The following ZNF134 variants were observed in gnomAD, a reference collection of about 807,000 sequenced individuals.
ZNF134 encodes zinc finger protein 134, also known as zinc finger protein 134 (clone pHZ-15).
ZNF134 carries 5 observed loss-of-function variants against 2.5 expected under a neutral mutation model. The ratio of observed to expected loss-of-function variants is 2.03; its 90% CI spans 1.06 to 4.27. ZNF134 has a LOEUF of 4.27. Among genes scored for constraint, ZNF134 ranks in the 30% most tolerant of loss-of-function variants. ZNF134 has a pLI of 0.00. For synonymous variants in ZNF134, 176 were observed against 176.2 expected (o/e 1.00, Z 0.01); for missense variants, 540 against 517.5 (o/e 1.04, Z -0.42).
Position 57,620,728 on chromosome 19 carries a change from T to C in ZNF134, c.609T>C (p.Pro203=). 6.2e-7 allele frequency: 1 copy of C among 1,611,224 alleles called. No individual in the cohort carries two copies. Among genetic ancestry groups the C allele is most frequent in the South Asian group, 1.1e-5 (1 of 90,946 alleles). The stretch of plus-strand genomic sequence containing the variant: ...AGAGAATTCATAGTGGAGAGAAGCC[T>C]TATGAGTGCAGCGAATGTGGGAAAG... ...QHQRIHSGEK[P]YECSECGKAF... Residue 203 remains proline, a synonymous_variant, in exon 3 of 3, where the codon CCT becomes CCC. Coordinates refer to ENST00000396161, the MANE Select transcript of ZNF134 (RefSeq NM_003435.5).
chr19:57,619,645 C>G, intron 2 of ZNF134, 137 bp downstream of exon 2: 1 of 976,502 alleles, frequency 1.0e-6, no homozygotes, highest in Non-Finnish European at 1.5e-6. Context: ...TCTGTACACT[C>G]TTGTCATTTC....
Position 57,620,740 on chromosome 19 carries a change from C to T in ZNF134, c.621C>T (p.Ser207=), listed in dbSNP as rs148284700. The change falls in exon 3 of 3, where the codon AGC becomes AGT. Residue 207 remains serine, a synonymous_variant. Transcript: ENST00000396161. ...GTGGAGAGAAGCCTTATGAGTGCAG[C>T]GAATGTGGGAAAGCCTTCAGCCGCA... ...IHSGEKPYEC[S]ECGKAFSRKA... is the part of the protein sequence containing the mutation. 102 of 1,610,854 alleles carry T rather than the reference C, an allele frequency of 6.3e-5. No individual in the cohort carries two copies. Among genetic ancestry groups the T allele is most frequent in the Admixed American group, 4.0e-4 (24 of 59,942 alleles).
intron 1 of ZNF134, 40 bp from the exon 2 acceptor site, chr19:57,619,372 C>T (rs765860693): frequency 3.4e-6 from 5 of 1,484,948 alleles, no homozygotes; most frequent in Non-Finnish European, 4.6e-6. Flanking sequence ...CTAGTGCTCT[C>T]AGCCTGTTTC....
Position 57,620,483 on chromosome 19 carries a change from A to G in ZNF134, c.364A>G (p.Ser122Gly). Residue 122 changes from serine (S) to glycine (G), a missense_variant, in exon 3 of 3, where the codon AGC (serine) becomes GGC (glycine). Physicochemically the swap from Ser to Gly is moderately conservative, Grantham distance 56. Coordinates refer to ENST00000396161, the MANE Select transcript of ZNF134 (RefSeq NM_003435.5). ...CTCAATTGTGAAGAACTGCACAGTT[A>G]GCAAAGAACCTCATCCGTCAGAGAA... is the stretch of plus-strand genomic sequence containing the variant. ...EASIVKNCTV[S>G]KEPHPSEKPF... 6.2e-7 allele frequency: 1 copy of G among 1,614,252 alleles called. No homozygotes were observed. The highest frequency in any genetic ancestry group is 1.3e-5 in the African/African-American group (1 of 75,062).
chr19:57,624,574 C>A lies in ZNF134; in HGVS notation c.*3171C>A, dbSNP rs535544529. 3.3e-5 allele frequency: 5 copies of A among 152,144 alleles called. No homozygotes were observed. Among genetic ancestry groups the A allele is most frequent in the Non-Finnish European group, 7.3e-5 (5 of 68,028 alleles). 9.4% of individuals were successfully genotyped at this position (152,144 alleles called of 1,614,324 possible). On this transcript the variant is annotated 3_prime_UTR_variant, in exon 3 of 3. Coordinates refer to ENST00000396161, the MANE Select transcript of ZNF134 (RefSeq NM_003435.5). ...GGGTCCCTGAAATCCCCTCTTTTCC[C>A]AGAATACCTAATGATTACCCCTATT... is the stretch of plus-strand genomic sequence containing the variant.
chr19:57,617,952 T>C (rs1981095930), intron 1 of ZNF134, among the ~76,000 whole-genome samples: 1 of 152,198 alleles, frequency 6.6e-6, no homozygotes, highest in Non-Finnish European at 1.5e-5. Flanking sequence ...CTTATTCAGC[T>C]CTTTATGTGC....
In ZNF134 at chr19:57,620,395, C is replaced by T; in HGVS notation, c.276C>T (p.Asn92=). ...ACGRQFWFSA[N]LHQYQKCYSI... is the part of the protein sequence containing the mutation. ...GGAGACAATTCTGGTTCAGTGCAAA[C>T]CTTCATCAGTACCAGAAGTGTTACA... Residue 92 remains asparagine (N), a synonymous_variant, in exon 3 of 3, where the codon AAC becomes AAT. Transcript: ENST00000396161. 6.2e-7 allele frequency: 1 copy of T among 1,614,184 alleles called. No individual in the cohort carries two copies. Among genetic ancestry groups the T allele is most frequent in the Non-Finnish European group, 8.5e-7 (1 of 1,180,036 alleles).
At chr19:57,617,474 A>G (rs1313746237) in intron 1 of ZNF134, among the ~76,000 whole-genome samples, 1 of 152,222 alleles carries the variant, frequency 6.6e-6, no homozygotes, top group Admixed American at 6.5e-5. Context: ...GTCTGAGAAG[A>G]TATAAAGATG....
Position 57,621,540 on chromosome 19 carries a change from A to G in ZNF134, c.*137A>G, listed in dbSNP as rs532501786. The G allele has an allele frequency of 7.2e-7, 1 of 1,398,362 alleles. No individual in the cohort carries two copies. The highest frequency in any genetic ancestry group is 2.3e-5 in the East Asian group (1 of 43,950). The allele number at this position is 1,398,362 out of a possible 1,614,324, so 86.6% of individuals were successfully genotyped here. On this transcript the variant is annotated 3_prime_UTR_variant, in exon 3 of 3. Transcript: ENST00000396161. ...ATATGTTGCACTTTCTGACTTGCTC[A>G]GGTTTTTTGCCAGAGTTATGTCACT...
At chr19:57,614,624 T>TG in intron 1 of ZNF134, 121 bp downstream of exon 1, 1 of 320,744 alleles carries the variant, frequency 3.1e-6, no homozygotes, top group Non-Finnish European at 6.1e-6. Context: ...CGCTGGTGGG[T>TG]GGGGGCGAGT....
rs1981204201 is a variant in ZNF134 at position 57,621,123 on chromosome 19, A to G, written c.1004A>G (p.Gln335Arg). The G allele has an allele frequency of 1.2e-6, 2 of 1,614,142 alleles. No homozygotes were observed. The highest frequency in any genetic ancestry group is 4.5e-5 in the East Asian group (2 of 44,902). The change falls in exon 3 of 3, where the codon CAG becomes CGG. Residue 335 changes from glutamine (Q) to arginine (R), a missense_variant. Transcript: ENST00000396161. ...CACAAATACACCCTCATTAAACATC[A>G]GCGAATTCACACTGAGTCAAAGCCG... The part of the protein sequence containing the change: ...FGHKYTLIKH[Q>R]RIHTESKPFE...
At position 57,621,648 on chromosome 19, in the gene ZNF134, A is replaced by C. The variant is rs1012065921; in HGVS notation, c.*245A>C. 2.4e-5 allele frequency: 16 copies of C among 676,166 alleles called. No homozygotes were observed. Among genetic ancestry groups the C allele is most frequent in the African/African-American group, 7.0e-5 (4 of 56,822 alleles). 41.9% of individuals were successfully genotyped at this position (676,166 alleles called of 1,614,324 possible). ...GGGAAGGCAGGGTTTTGTATTGTCC[A>C]GTCCCTGGAGAAAATCATGAAATGC... is the stretch of plus-strand genomic sequence containing the variant. On this transcript the variant is annotated 3_prime_UTR_variant, in exon 3 of 3. Coordinates refer to ENST00000396161, the MANE Select transcript of ZNF134 (RefSeq NM_003435.5).
chr19:57,621,119 C>G lies in ZNF134; in HGVS notation c.1000C>G (p.His334Asp). Reference sequence around the variant, plus strand: ...TGGCCACAAATACACCCTCATTAAACATCAGCGAATTCACACTGAGTCAAA... The same window carrying G: ...TGGCCACAAATACACCCTCATTAAAGATCAGCGAATTCACACTGAGTCAAA... ...SFGHKYTLIK[H>D]QRIHTESKPF... Residue 334 changes from histidine to aspartate, a missense_variant, in exon 3 of 3, where the codon CAT (histidine) becomes GAT (aspartate). Coordinates refer to ENST00000396161, the MANE Select transcript of ZNF134 (RefSeq NM_003435.5). 1 of 1,614,236 alleles carries G rather than the reference C, an allele frequency of 6.2e-7. No homozygotes were observed. The highest frequency in any genetic ancestry group is 8.5e-7 in the Non-Finnish European group (1 of 1,180,046).
chr19:57,621,682 AT>A lies in ZNF134; in HGVS notation c.*281del, dbSNP rs1163898778. On this transcript the variant is annotated 3_prime_UTR_variant, in exon 3 of 3. Coordinates refer to ENST00000396161, the MANE Select transcript of ZNF134 (RefSeq NM_003435.5). ...AGAAAATCATGAAATGCCTGAGTTCATTGGGGGTCCTCATTCCCTTCTGTAT... is the reference window on the plus strand; with the variant it reads ...AGAAAATCATGAAATGCCTGAGTTCATGGGGGTCCTCATTCCCTTCTGTAT... The A allele has an allele frequency of 1.7e-6, 1 of 573,882 alleles. No individual in the cohort carries two copies. The highest frequency in any genetic ancestry group is 3.4e-5 in the East Asian group (1 of 29,732). The allele number at this position is 573,882 out of a possible 1,614,324, so 35.5% of individuals were successfully genotyped here.
In ZNF134 at chr19:57,620,942, C is replaced by CT; in HGVS notation, c.824dup (p.Ile276AsnfsTer14). 6.2e-7 allele frequency: 1 copy of CT among 1,614,220 alleles called. No individual in the cohort carries two copies. Among genetic ancestry groups the CT allele is most frequent in the Non-Finnish European group, 8.5e-7 (1 of 1,180,046 alleles). ...GAAATATTTTAGCCATCACTCCAAT[C>CT]TAATTGTACACCAGAGAGTTCACAA... On this transcript the variant is annotated frameshift_variant, in exon 3 of 3. Transcript: ENST00000396161. LOFTEE classifies it low-confidence loss of function (END_TRUNC).
chr19:57,614,320 G>A lies in ZNF134; in HGVS notation c.-241G>A, dbSNP rs763458174. On this transcript the variant is annotated 5_prime_UTR_variant, in exon 1 of 3. Transcript: ENST00000396161. ...GTTGCTGGGCGGTTCCGAGGTGACG[G>A]AAGCGGGAGGGTGCGGGAGAAGTCG... 38 of 454,466 alleles carry A rather than the reference G, an allele frequency of 8.4e-5. 2 individuals are homozygous for A. The highest frequency in any genetic ancestry group is 5.9e-4 in the South Asian group (38 of 64,364). The allele number at this position is 454,466 out of a possible 1,614,324, so 28.2% of individuals were successfully genotyped here. A position where few individuals can be genotyped will look rare whatever the true frequency, so the allele number is the denominator to read the frequency against.
intron 1 of ZNF134, among the ~76,000 whole-genome samples, chr19:57,615,297 G>A (rs1227990963): frequency 6.6e-6 from 1 of 151,984 alleles, no homozygotes; most frequent in Non-Finnish European, 1.5e-5. Context: ...TGAGGCATAA[G>A]GTCAAAGCCT....
At chr19:57,619,644 T>A (rs922916293) in intron 2 of ZNF134, 136 bp downstream of exon 2, 8 of 976,758 alleles carry the variant, frequency 8.2e-6, no homozygotes, top group African/African-American at 1.7e-5. Flanking sequence ...TTCTGTACAC[T>A]CTTGTCATTT....
intron 2 of ZNF134, among the ~76,000 whole-genome samples, chr19:57,619,790 T>C (rs1198482079): frequency 1.3e-5 from 2 of 152,236 alleles, no homozygotes; most frequent in South Asian, 2.1e-4. Context: ...TGTGTGCATA[T>C]CTGTAAATAG....
Sources: gnomAD v4.1 joint callset for allele counts (sites outside exome capture counted in the v4.1 genomes callset) on GRCh38, gnomAD v4.1.1 for gene constraint, MANE v1.5 for transcripts, NCBI Gene and HGNC (gene_info 2026-07-23, HGNC 2026-07-21) for gene names.